KIF2C: variants seen among roughly 807,000 people sequenced by gnomAD.
The protein encoded by KIF2C is kinesin family member 2C, also known as kinesin-like protein KIF2C.
KIF2C carries 34 observed loss-of-function variants against 97.4 expected under a neutral mutation model. That is an observed-to-expected ratio of 0.35 (90% CI 0.27 to 0.46). The LOEUF (loss-of-function observed/expected upper bound fraction) is 0.46, where lower values mean the gene tolerates loss of function less well. Ranked by LOEUF, KIF2C falls within the 20% of genes least tolerant of loss-of-function variation. KIF2C has a pLI of 1.00. For missense variants in KIF2C, 750 were observed against 907.6 expected, an observed-to-expected ratio of 0.83 and a Z score of 2.23; for synonymous variants, 313 against 318.2, an observed-to-expected ratio of 0.98 and a Z score of 0.17.
chr1:44,749,914 T>TA (rs566170364), intron 4 of KIF2C, among the ~76,000 whole-genome samples: 57 of 147,356 alleles, frequency 3.9e-4, no homozygotes, highest in South Asian at 6.5e-4. Context: ...CCGTCTGTAC[T>TA]AAAAAAAAAA....
At chr1:44,743,396 A>C (rs748475975) in intron 2 of KIF2C, among the ~76,000 whole-genome samples, 4 of 152,220 alleles carry the variant, frequency 2.6e-5, no homozygotes, top group Non-Finnish European at 4.4e-5. Context: ...GGATTTACTC[A>C]GCACATTTTT....
At chr1:44,757,481 C>A in intron 10 of KIF2C, 75 bp from the exon 11 acceptor site, 1 of 940,964 alleles carries the variant, frequency 1.1e-6, no homozygotes, top group Non-Finnish European at 1.8e-6. Context: ...TAGAACTCTG[C>A]AGTGGAAGGG....
At position 44,766,878 on chromosome 1, in the gene KIF2C, A is replaced by C. The variant is rs1391185938; in HGVS notation, c.2024A>C (p.Asp675Ala). The change falls in exon 20 of 21, where the codon GAC (aspartate) becomes GCC (alanine). Residue 675 changes from aspartate to alanine, a missense_variant. Transcript: ENST00000372224. The part of the protein sequence containing the change: ...LSEMTEQPDY[D>A]LETFVNKAES... Reference sequence around the variant, plus strand: ...GAGATGACCGAGCAGCCAGACTATGACCTGGAGACCTTTGTGAACAAAGCG... The same window carrying C: ...GAGATGACCGAGCAGCCAGACTATGCCCTGGAGACCTTTGTGAACAAAGCG... The C allele has an allele frequency of 1.2e-6, 2 of 1,614,100 alleles. No homozygotes were observed. Among genetic ancestry groups the C allele is most frequent in the African/African-American group, 2.7e-5 (2 of 74,940 alleles).
intron 2 of KIF2C, among the ~76,000 whole-genome samples, chr1:44,741,807 T>G (rs989326039): frequency 6.6e-6 from 1 of 151,830 alleles, no homozygotes. Flanking sequence ...CTGGGCAACA[T>G]GACAAAACCT....
At chr1:44,756,942 G>A (rs1163149686) in intron 10 of KIF2C, among the ~76,000 whole-genome samples, 3 of 150,942 alleles carry the variant, frequency 2.0e-5, no homozygotes, top group Non-Finnish European at 4.4e-5. Context: ...TTTTGAGACA[G>A]AGTCTCAGTC....
At chr1:44,746,403 G>A in intron 2 of KIF2C, 1 of 1,116,580 alleles carries the variant, frequency 9.0e-7, no homozygotes, top group Non-Finnish European at 1.1e-6. Flanking sequence ...TAAGGCATGG[G>A]CAGGAAGCCG....
At chr1:44,759,943 G>A (rs1650051979) in intron 14 of KIF2C, among the ~76,000 whole-genome samples, 1 of 152,168 alleles carries the variant, frequency 6.6e-6, no homozygotes, top group Non-Finnish European at 1.5e-5. Flanking sequence ...CCTCTACAGG[G>A]TCCTCAAGTT....
intron 19 of KIF2C, among the ~76,000 whole-genome samples, chr1:44,763,206 T>C (rs2148834694): frequency 6.6e-6 from 1 of 152,302 alleles, no homozygotes; most frequent in East Asian, 1.9e-4. Context: ...GTACCCAGTG[T>C]GTGGTCAGGG....
Position 44,767,344 on chromosome 1 carries a change from C to T in KIF2C, c.*165C>T. The T allele has an allele frequency of 1.7e-6, 1 of 597,442 alleles. No homozygotes were observed. Among genetic ancestry groups the T allele is most frequent in the Non-Finnish European group, 3.0e-6 (1 of 331,954 alleles). 37.0% of individuals were successfully genotyped at this position (597,442 alleles called of 1,614,324 possible). On this transcript the variant is annotated 3_prime_UTR_variant, in exon 21 of 21. Transcript: ENST00000372224. ...GGCCCAGGGCAGCTGGGGAGGGGGTCAGAGTGACATGGGACACTCCTTTTC... is the reference window on the plus strand; with the variant it reads ...GGCCCAGGGCAGCTGGGGAGGGGGTTAGAGTGACATGGGACACTCCTTTTC...
intron 4 of KIF2C, among the ~76,000 whole-genome samples, chr1:44,749,384 G>A (rs6670449): frequency 0.26 from 39,505 of 151,576 alleles, 6,479 homozygotes; most frequent in African/African-American, 0.46. Flanking sequence ...GCAGTGAGCC[G>A]AGATCATGCC....
rs184538046 is a variant in KIF2C, at chr1:44,743,780, C to T, written c.165+2773C>T. ...TGGGTGACAGAGTGAGACCCTGTCT[C>T]AAAAACAAATAAATAAAAAAGATAA... On this transcript the variant is annotated intron_variant, in intron 2 of 20. Transcript: ENST00000372224. Among the ~76,000 whole-genome samples the T allele has an allele frequency of 1.2e-4, 18 of 152,070 alleles. No homozygotes were observed. The East Asian group carries it at 3.5e-3, about 29-fold the overall frequency.
At chr1:44,746,462 G>T in intron 2 of KIF2C, 2 of 1,217,310 alleles carry the variant, frequency 1.6e-6, no homozygotes, top group Admixed American at 4.4e-5. Context: ...TAGTCTTAGG[G>T]TTAGGTAGCA....
intron 13 of KIF2C, chr1:44,758,910 T>C (rs1649991448): frequency 2.9e-6 from 1 of 344,584 alleles, no homozygotes; most frequent in African/African-American, 2.1e-5. Context: ...TTAGGAGCTA[T>C]GCACTATTCT....
chr1:44,761,910 T>C lies in KIF2C; in HGVS notation c.1684-6T>C, dbSNP rs766020588. On this transcript the variant is annotated splice_polypyrimidine_tract_variant and splice_region_variant and intron_variant, in intron 16 of 20. Transcript: ENST00000372224. ...CAGCCTTTAATCACCCACCCCTCTT[T>C]TGCAGATTGCCACGATCTCACCAGG... 1.6e-5 allele frequency: 26 copies of C among 1,613,950 alleles called. No individual in the cohort carries two copies. Among genetic ancestry groups the C allele is most frequent in the South Asian group, 2.2e-5 (2 of 91,080 alleles).
At chr1:44,766,401 C>T (rs368771062) in intron 19 of KIF2C, among the ~76,000 whole-genome samples, 6 of 151,960 alleles carry the variant, frequency 3.9e-5, no homozygotes, top group East Asian at 3.9e-4. Flanking sequence ...CACCTGAGGT[C>T]GAGAGTTCGA....
At chr1:44,765,447 T>G (rs1650405822) in intron 19 of KIF2C, among the ~76,000 whole-genome samples, 1 of 150,098 alleles carries the variant, frequency 6.7e-6, no homozygotes, top group African/African-American at 2.5e-5. Flanking sequence ...ACCCTAGAAC[T>G]TAAAGTATAA....
chr1:44,758,068 G>T lies in KIF2C; in HGVS notation c.1152G>T (p.Leu384=), dbSNP rs766307898. ...YAMASRDVFL[L]KNQPCYRKLG... ...CCTCAGCCCGGGACGTCTTCCTCCTGAAGAATCAACCCTGCTACCGGAAGT... is the reference window on the plus strand; with the variant it reads ...CCTCAGCCCGGGACGTCTTCCTCCTTAAGAATCAACCCTGCTACCGGAAGT... The change falls in exon 13 of 21, where the codon CTG becomes CTT. Residue 384 remains leucine, a synonymous_variant. Transcript: ENST00000372224. The T allele has an allele frequency of 6.2e-7, 1 of 1,614,192 alleles. No homozygotes were observed. The highest frequency in any genetic ancestry group is 2.2e-5 in the East Asian group (1 of 44,894).
intron 2 of KIF2C, chr1:44,746,678 TG>T: frequency 1.9e-6 from 3 of 1,587,594 alleles, no homozygotes; most frequent in Non-Finnish European, 2.6e-6. Flanking sequence ...TTTGCCTGCC[TG>T]TCTGCCCTCC....
intron 2 of KIF2C, among the ~76,000 whole-genome samples, chr1:44,744,086 T>TTTTG (rs902885812): frequency 7.6e-6 from 1 of 131,540 alleles, no homozygotes; most frequent in South Asian, 2.5e-4. Flanking sequence ...TGGTTTTTTT[T>TTTTG]TTTGTTTGTT....
Sources: gnomAD v4.1 joint callset for allele counts (sites outside exome capture counted in the v4.1 genomes callset) on GRCh38, gnomAD v4.1.1 for gene constraint, MANE v1.5 for transcripts, NCBI Gene and HGNC (gene_info 2026-07-23, HGNC 2026-07-21) for gene names.